Variants in CHIC2 observed in about 807,000 individuals in gnomAD.
CHIC2 encodes cysteine rich hydrophobic domain 2.
A neutral mutation model predicts 25.9 loss-of-function variants in CHIC2; 14 were observed. The observed-to-expected ratio is 0.54, with a 90% CI of 0.36 to 0.85. The LOEUF (loss-of-function observed/expected upper bound fraction) is 0.85, where lower values mean the gene tolerates loss of function less well. Ranked by LOEUF, CHIC2 falls within the 40% of genes least tolerant of loss-of-function variation. The pLI, the probability that CHIC2 is intolerant of heterozygous loss-of-function variation, is 0.01. For missense variants in CHIC2, 146 were observed against 202.0 expected (o/e 0.72, Z 1.68); for synonymous variants, 70 against 72.0 (o/e 0.97, Z 0.14).
intron 3 of CHIC2, among the ~76,000 whole-genome samples, chr4:54,019,444 A>T (rs1386795414): frequency 2.6e-5 from 4 of 152,168 alleles, no homozygotes; most frequent in Non-Finnish European, 4.4e-5. Context: ...AATTGCTAAA[A>T]TTTTGTGAAT....
At position 54,064,166 on chromosome 4, in the gene CHIC2, C is replaced by T; in HGVS notation, c.119+16G>A. ...CCAGCCCGCACCTCCCGCCCTCGCC[C>T]TCCTCCGGGCCTTACACGGTGACGT... On this transcript the variant is annotated intron_variant, in intron 1 of 5. Coordinates refer to ENST00000263921, the MANE Select transcript of CHIC2 (RefSeq NM_012110.4). This position sits in a 1 kb window ranked among gnomAD's most constrained non-coding sequence, Gnocchi z 4.2. 1 of 1,593,156 alleles carries T rather than the reference C, an allele frequency of 6.3e-7. No individual in the cohort carries two copies.
At chr4:54,091,649 T>C in the CHIC2 span, among the ~76,000 whole-genome samples, 14 of 152,264 alleles carry the variant, frequency 9.2e-5, no homozygotes, top group Admixed American at 8.5e-4. Flanking sequence ...AACCTATCCA[T>C]GTAACCTAAC....
chr4:54,047,375 A>G (rs536351176), intron 3 of CHIC2, among the ~76,000 whole-genome samples: 181 of 152,274 alleles, frequency 1.2e-3, no homozygotes, highest in African/African-American at 4.1e-3. Flanking sequence ...CACTATTCAC[A>G]ATAGCAAAGA....
At chr4:54,028,524 C>T (rs563490215) in intron 3 of CHIC2, among the ~76,000 whole-genome samples, 16 of 152,326 alleles carry the variant, frequency 1.1e-4, no homozygotes, top group Non-Finnish European at 2.2e-4. Flanking sequence ...AATTGATTAA[C>T]TCCATCACTG....
rs573433519 is a variant in CHIC2, at chr4:54,013,505, A to G, written c.447+332T>C. Among the ~76,000 whole-genome samples, 17 of 152,278 alleles carry G rather than the reference A, an allele frequency of 1.1e-4. No homozygotes were observed. In the East Asian group the frequency reaches 2.5e-3, roughly 22 times the overall value. ...TTGATTAGCATTATATAAAAAAGCC[A>G]TATCTGACTTGCTGCGTAACCAAAG... On this transcript the variant is annotated intron_variant, in intron 5 of 5. Transcript: ENST00000263921.
At chr4:54,080,627 G>T in the CHIC2 span, among the ~76,000 whole-genome samples, 1 of 151,420 alleles carries the variant, frequency 6.6e-6, no homozygotes. Context: ...TTAGCTGGGC[G>T]TGGTGGCACA....
Position 54,059,319 on chromosome 4 carries a change from G to A in CHIC2, c.119+4863C>T, listed in dbSNP as rs1298674076. The stretch of plus-strand genomic sequence containing the variant: ...AGGCAGGAGGAACACTTGAAGCCAG[G>A]AGTTCAAAACCAGCCTGGCAATACA... On this transcript the variant is annotated intron_variant, in intron 1 of 5. Coordinates refer to ENST00000263921, the MANE Select transcript of CHIC2 (RefSeq NM_012110.4). 2.6e-5 allele frequency among the ~76,000 whole-genome samples: 4 copies of A among 152,026 alleles called. No homozygotes were observed. In the East Asian group the frequency reaches 7.7e-4, roughly 29 times the overall value.
At chr4:54,083,449 C>T in the CHIC2 span, among the ~76,000 whole-genome samples, 1 of 152,148 alleles carries the variant, frequency 6.6e-6, no homozygotes, top group Admixed American at 6.5e-5. Context: ...CTGTTCCATT[C>T]ACTCTATCTA....
At chr4:54,057,039 G>C (rs553138551) in intron 1 of CHIC2, among the ~76,000 whole-genome samples, 72 of 152,106 alleles carry the variant, frequency 4.7e-4, no homozygotes, top group African/African-American at 1.7e-3. Flanking sequence ...GAACAGTAAG[G>C]GTAGCCAGTT....
chr4:54,089,392 C>CATATATATATATAT, the CHIC2 span, among the ~76,000 whole-genome samples: 91 of 145,138 alleles, frequency 6.3e-4, no homozygotes, highest in Admixed American at 5.3e-3. Context: ...CACCACATTC[C>CATATATATATATAT]ATATATATAT....
intron 3 of CHIC2, among the ~76,000 whole-genome samples, chr4:54,045,165 C>A (rs1235108502): frequency 6.6e-6 from 1 of 152,082 alleles, no homozygotes; most frequent in Non-Finnish European, 1.5e-5. Context: ...TAGTAGCTTA[C>A]CAATCAAAAA....
the CHIC2 span, chr4:54,087,098 G>T: frequency 1.0e-6 from 1 of 987,080 alleles, no homozygotes; most frequent in Non-Finnish European, 1.6e-6. Context: ...GAAGATGTGG[G>T]GTCGCTCTGC....
At chr4:54,086,400 GT>G in the CHIC2 span, among the ~76,000 whole-genome samples, 1 of 152,080 alleles carries the variant, frequency 6.6e-6, no homozygotes, top group Admixed American at 6.6e-5. Context: ...TGAGTTTGGG[GT>G]TTGGTTTAGG....
intron 3 of CHIC2, among the ~76,000 whole-genome samples, chr4:54,022,917 C>G (rs192320947): frequency 1.8e-4 from 27 of 152,296 alleles, no homozygotes; most frequent in Admixed American, 1.7e-3. Flanking sequence ...AAAAACCTGA[C>G]AAGTCTTATA....
At chr4:54,066,166 A>G (rs1374818021), upstream of CHIC2, among the ~76,000 whole-genome samples, 2 of 152,180 alleles carry the variant, frequency 1.3e-5, no homozygotes, top group African/African-American at 4.8e-5. Flanking sequence ...TGTGTTCTGG[A>G]ACCTGACTAC....
chr4:54,087,639 C>T, the CHIC2 span: 1 of 579,782 alleles, frequency 1.7e-6, no homozygotes. Flanking sequence ...AAATGTTGGC[C>T]TATATATCCC....
chr4:54,021,504 C>T (rs1715898218), intron 3 of CHIC2, among the ~76,000 whole-genome samples: 2 of 152,096 alleles, frequency 1.3e-5, no homozygotes, highest in African/African-American at 2.4e-5. Flanking sequence ...CTCTGCTCCC[C>T]GACCCTATAA....
intron 3 of CHIC2, among the ~76,000 whole-genome samples, chr4:54,030,537 AAT>A (rs1385292433): frequency 5.9e-4 from 82 of 139,846 alleles, no homozygotes; most frequent in African/African-American, 2.0e-3. Flanking sequence ...AAAAAAAAAA[AAT>A]ATATATATAT....
upstream of CHIC2, chr4:54,064,626 C>A (rs978516408): frequency 4.5e-6 from 5 of 1,100,290 alleles, no homozygotes; most frequent in Admixed American, 2.1e-4. This position sits in a 1 kb window ranked among gnomAD's most constrained non-coding sequence, Gnocchi z 4.2. Flanking sequence ...CCCGAGCCAC[C>A]CGCAGCGGGA....
Sources: gnomAD v4.1 joint callset for allele counts (sites outside exome capture counted in the v4.1 genomes callset) on GRCh38, gnomAD v4.1.1 for gene constraint, Gnocchi (gnomAD v3.1) non-coding constraint, MANE v1.5 for transcripts, NCBI Gene and HGNC (gene_info 2026-07-23, HGNC 2026-07-21) for gene names.